The following LAMA2 variants were observed in gnomAD, a reference collection of about 807,000 sequenced individuals.
LAMA2 encodes laminin subunit alpha 2, also known as laminin subunit alpha-2.
LAMA2 carries 269 observed loss-of-function variants against 364.8 expected under a neutral mutation model. That is an observed-to-expected ratio of 0.74 (90% confidence interval 0.67 to 0.82). The LOEUF (loss-of-function observed/expected upper bound fraction) is 0.82. Among genes scored for constraint, LAMA2 ranks in the 40% least tolerant of loss-of-function variants. LAMA2 has a pLI of 0.00. For synonymous variants in LAMA2, 1,379 were observed against 1,370.6 expected (o/e 1.01, Z -0.14); for missense variants, 3,807 against 3,873.2 (o/e 0.98, Z 0.45).
chr6:129,474,668 A>G (rs1451260509), intron 52 of LAMA2, among the ~76,000 whole-genome samples: 1 of 152,168 alleles, frequency 6.6e-6, no homozygotes, highest in East Asian at 1.9e-4. Context: ...ACCTAAGGTT[A>G]TTCAAATCTA....
intron 4 of LAMA2, among the ~76,000 whole-genome samples, chr6:129,135,528 C>T (rs1004670387): frequency 6.6e-6 from 1 of 152,180 alleles, no homozygotes; most frequent in Non-Finnish European, 1.5e-5. Flanking sequence ...GCAAGAATAA[C>T]TACTATTGTT....
At chr6:128,922,841 G>C (rs1480909208) in intron 1 of LAMA2, among the ~76,000 whole-genome samples, 1 of 152,050 alleles carries the variant, frequency 6.6e-6, no homozygotes, top group Non-Finnish European at 1.5e-5. Context: ...TATGGTTTTA[G>C]GTCTAACGTT....
chr6:129,215,330 G>A (rs949005579), intron 12 of LAMA2, among the ~76,000 whole-genome samples: 6 of 152,060 alleles, frequency 3.9e-5, no homozygotes, highest in Non-Finnish European at 5.9e-5. Context: ...TTGATTCCCA[G>A]TAGAGTCATA....
intron 4 of LAMA2, among the ~76,000 whole-genome samples, chr6:129,116,023 A>G: frequency 6.6e-6 from 1 of 152,096 alleles, no homozygotes; most frequent in East Asian, 1.9e-4. Flanking sequence ...TCCAGAGTAC[A>G]AGATTTTTGA....
chr6:128,883,795 T>TACACACACACAC (rs1189690006), intron 1 of LAMA2, among the ~76,000 whole-genome samples: 32 of 132,886 alleles, frequency 2.4e-4, no homozygotes, highest in African/African-American at 1.0e-3. Flanking sequence ...ATTATATATA[T>TACACACACACAC]ATATATACAC....
intron 12 of LAMA2, among the ~76,000 whole-genome samples, chr6:129,224,390 G>A (rs939416662): frequency 6.6e-6 from 1 of 152,190 alleles, no homozygotes; most frequent in African/African-American, 2.4e-5. Flanking sequence ...ATGTTGAATA[G>A]GAGTGGTGAG....
chr6:129,345,824 G>C (rs748028663), intron 30 of LAMA2, among the ~76,000 whole-genome samples: 3 of 152,068 alleles, frequency 2.0e-5, no homozygotes, highest in Non-Finnish European at 2.9e-5. Context: ...TCTAAAGCTT[G>C]GGACGTATTA....
At chr6:129,221,180 TA>T (rs998548106) in intron 12 of LAMA2, among the ~76,000 whole-genome samples, 90 of 143,814 alleles carry the variant, frequency 6.3e-4, no homozygotes, top group African/African-American at 2.2e-3. Flanking sequence ...AAATAAAAAT[TA>T]AAAAAAAAGC....
intron 4 of LAMA2, among the ~76,000 whole-genome samples, chr6:129,102,238 G>A (rs1680437337): frequency 6.6e-6 from 1 of 151,038 alleles, no homozygotes; most frequent in Admixed American, 6.6e-5. Context: ...CCGGGTTCAA[G>A]TGGTTCTCCT....
intron 8 of LAMA2, among the ~76,000 whole-genome samples, chr6:129,160,409 T>C (rs1295589112): frequency 6.6e-6 from 1 of 152,122 alleles, no homozygotes; most frequent in African/African-American, 2.4e-5. Flanking sequence ...TATTATCTTC[T>C]TGAAGTCTAT....
chr6:129,188,231 T>C (rs909574498), intron 10 of LAMA2, among the ~76,000 whole-genome samples: 1 of 151,916 alleles, frequency 6.6e-6, no homozygotes, highest in East Asian at 1.9e-4. Context: ...ATCTTCATAG[T>C]GCCTAGAATT....
intron 1 of LAMA2, among the ~76,000 whole-genome samples, chr6:128,885,816 T>C (rs1405914863): frequency 6.6e-6 from 1 of 152,234 alleles, no homozygotes; most frequent in Non-Finnish European, 1.5e-5. Flanking sequence ...TTCTATAGCA[T>C]ACTCGATTGT....
intron 12 of LAMA2, among the ~76,000 whole-genome samples, chr6:129,230,953 T>C (rs1259376655): frequency 6.6e-6 from 1 of 152,068 alleles, no homozygotes; most frequent in Non-Finnish European, 1.5e-5. Context: ...TACAAGGCCT[T>C]AGAGGATATT....
intron 4 of LAMA2, among the ~76,000 whole-genome samples, chr6:129,119,810 A>G (rs1032673507): frequency 1.3e-5 from 2 of 152,210 alleles, no homozygotes; most frequent in Non-Finnish European, 2.9e-5. Flanking sequence ...GGCCTCTTAA[A>G]GTGCTGAGAT....
At chr6:129,335,703 T>A (rs966706074) in intron 29 of LAMA2, among the ~76,000 whole-genome samples, 3 of 152,176 alleles carry the variant, frequency 2.0e-5, no homozygotes, top group Admixed American at 2.0e-4. Flanking sequence ...TAAACCTTAT[T>A]TAATCTACCT....
chr6:129,253,646 C>T (rs1786422030), intron 14 of LAMA2, among the ~76,000 whole-genome samples: 1 of 152,148 alleles, frequency 6.6e-6, no homozygotes, highest in Non-Finnish European at 1.5e-5. Context: ...GAAATGAGTC[C>T]TCCAGCTTTC....
intron 51 of LAMA2, among the ~76,000 whole-genome samples, chr6:129,470,647 G>T (rs1783765613): frequency 6.6e-6 from 1 of 151,816 alleles, no homozygotes; most frequent in South Asian, 2.1e-4. Context: ...GCACAAACAT[G>T]AATTCAGATA....
intron 4 of LAMA2, among the ~76,000 whole-genome samples, chr6:129,106,073 G>C (rs1420783740): frequency 6.6e-6 from 1 of 151,646 alleles, no homozygotes; most frequent in Admixed American, 6.6e-5. Context: ...ATGGAACTTA[G>C]ATTCACTTTG....
intron 12 of LAMA2, among the ~76,000 whole-genome samples, chr6:129,232,009 T>C (rs1784694574): frequency 6.6e-6 from 1 of 152,128 alleles, no homozygotes; most frequent in Non-Finnish European, 1.5e-5. Flanking sequence ...GTAATGTTGA[T>C]ACAGTAGTGA....
Sources: gnomAD v4.1 joint callset for allele counts (sites outside exome capture counted in the v4.1 genomes callset) on GRCh38, gnomAD v4.1.1 for gene constraint, MANE v1.5 for transcripts, NCBI Gene and HGNC (gene_info 2026-07-23, HGNC 2026-07-21) for gene names.